Variants in ALK observed in about 807,000 individuals in gnomAD.
ALK encodes ALK tyrosine kinase receptor.
ALK carries 74 observed loss-of-function variants against 163.1 expected under a neutral mutation model. The observed-to-expected ratio is 0.45, with a 90% CI of 0.38 to 0.55. ALK has a LOEUF of 0.55. Ranked by LOEUF, ALK falls within the 20% of genes least tolerant of loss-of-function variation. ALK has a pLI of 0.00. For synonymous variants in ALK, 960 were observed against 843.2 expected (o/e 1.14, Z -2.40); for missense variants, 2,063 against 2,105.3 (o/e 0.98, Z 0.39).
intron 1 of ALK, among the ~76,000 whole-genome samples, chr2:29,841,656 C>CAAGA (rs1665704277): frequency 1.3e-5 from 2 of 152,124 alleles, no homozygotes; most frequent in Admixed American, 1.3e-4. Flanking sequence ...TTACAATGAA[C>CAAGA]AAGAGCCTTA....
chr2:29,819,488 G>C (rs1664986588), intron 1 of ALK, among the ~76,000 whole-genome samples: 1 of 152,248 alleles, frequency 6.6e-6, no homozygotes, highest in South Asian at 2.1e-4. Flanking sequence ...TGTTCTCTGA[G>C]TGTTATTATT....
At chr2:29,221,247 A>T (rs1216611712) in intron 22 of ALK, 1 of 529,818 alleles carries the variant, frequency 1.9e-6, no homozygotes, top group Admixed American at 2.3e-5. Flanking sequence ...ACTGGGTGAG[A>T]CTTGCCAAGT....
At chr2:29,660,284 T>C (rs937903667) in intron 3 of ALK, among the ~76,000 whole-genome samples, 1 of 152,208 alleles carries the variant, frequency 6.6e-6, no homozygotes, top group African/African-American at 2.4e-5. Context: ...AGCTCTACTG[T>C]GGACTGACTG....
At chr2:29,499,444 C>G (rs906540122) in intron 4 of ALK, among the ~76,000 whole-genome samples, 1 of 152,160 alleles carries the variant, frequency 6.6e-6, no homozygotes, top group Non-Finnish European at 1.5e-5. Flanking sequence ...GATCCACCTG[C>G]CTTGGCCTCC....
chr2:29,887,266 T>G lies in ALK; in HGVS notation c.667+32727A>C, dbSNP rs2148422102. Among the ~76,000 whole-genome samples, 2 of 152,312 alleles carry G rather than the reference T, an allele frequency of 1.3e-5. 1 individual carries two copies. The highest frequency in any genetic ancestry group is 4.1e-4 in the South Asian group (2 of 4,824). ...GATAGCTGGTCTTGAGGGCACAGGG[T>G]GGCTTCATTCATATGCCTGACAATC... is the stretch of plus-strand genomic sequence containing the variant. On this transcript the variant is annotated intron_variant, in intron 1 of 28. Coordinates refer to ENST00000389048, the MANE Select transcript of ALK (RefSeq NM_004304.5).
intron 4 of ALK, among the ~76,000 whole-genome samples, chr2:29,475,021 G>T (rs1480361458): frequency 1.4e-5 from 2 of 146,900 alleles, no homozygotes; most frequent in Non-Finnish European, 3.0e-5. Context: ...AAACCGCCAG[G>T]CTCCTGTGTA....
chr2:29,701,804 C>A (rs1017429551), intron 2 of ALK, among the ~76,000 whole-genome samples: 1 of 152,166 alleles, frequency 6.6e-6, no homozygotes, highest in Non-Finnish European at 1.5e-5. Context: ...TATCTCCATT[C>A]AACAGATGAA....
chr2:29,200,383 A>G (rs1573088460), intron 26 of ALK, among the ~76,000 whole-genome samples: 1 of 152,308 alleles, frequency 6.6e-6, no homozygotes, highest in Non-Finnish European at 1.5e-5. Context: ...AGGGAGCAAG[A>G]AGTAGTATTG....
chr2:29,258,475 A>C (rs769302019), intron 11 of ALK, among the ~76,000 whole-genome samples: 3 of 152,208 alleles, frequency 2.0e-5, no homozygotes, highest in African/African-American at 7.2e-5. Context: ...CCAATCTACT[A>C]TTTGGGTTAC....
intron 9 of ALK, among the ~76,000 whole-genome samples, chr2:29,285,132 C>T (rs530504362): frequency 5.3e-4 from 81 of 152,350 alleles, no homozygotes; most frequent in African/African-American, 1.9e-3. Flanking sequence ...TCTTTCTTCA[C>T]GCTTTCTGAG....
chr2:29,763,590 C>T (rs1185854315), intron 1 of ALK, among the ~76,000 whole-genome samples: 1 of 152,122 alleles, frequency 6.6e-6, no homozygotes, highest in African/African-American at 2.4e-5. Flanking sequence ...CACTGGAGAC[C>T]CAGCTGCCTC....
At chr2:29,451,135 A>G (rs1383811036) in intron 4 of ALK, among the ~76,000 whole-genome samples, 2 of 152,146 alleles carry the variant, frequency 1.3e-5, no homozygotes, top group African/African-American at 4.8e-5. Flanking sequence ...TCTGAATGTT[A>G]TATTTCAAGC....
At chr2:29,298,735 C>G (rs751490165) in intron 8 of ALK, among the ~76,000 whole-genome samples, 9 of 151,756 alleles carry the variant, frequency 5.9e-5, no homozygotes, top group Non-Finnish European at 1.3e-4. Flanking sequence ...CCTTCAGTCC[C>G]CTTCTCTCTT....
At chr2:29,621,495 G>A (rs898463454) in intron 3 of ALK, among the ~76,000 whole-genome samples, 1 of 152,160 alleles carries the variant, frequency 6.6e-6, no homozygotes, top group Non-Finnish European at 1.5e-5. Context: ...CCAGGACACT[G>A]ATTTCACACT....
intron 4 of ALK, among the ~76,000 whole-genome samples, chr2:29,414,066 C>T (rs1346037677): frequency 6.6e-6 from 1 of 152,224 alleles, no homozygotes; most frequent in African/African-American, 2.4e-5. Context: ...CCAGCATCAT[C>T]ACATACACAT....
intron 1 of ALK, among the ~76,000 whole-genome samples, chr2:29,822,646 T>C (rs1394668296): frequency 1.3e-5 from 2 of 152,172 alleles, no homozygotes; most frequent in Non-Finnish European, 2.9e-5. Flanking sequence ...CACTTATAAA[T>C]TGACAAAAGG....
chr2:29,438,765 G>A (rs1670464874), intron 4 of ALK, among the ~76,000 whole-genome samples: 2 of 152,194 alleles, frequency 1.3e-5, no homozygotes, highest in Admixed American at 6.5e-5. Flanking sequence ...ACCTTAGACT[G>A]ACATTCTGGC....
intron 11 of ALK, among the ~76,000 whole-genome samples, chr2:29,252,550 T>G: frequency 6.6e-6 from 1 of 152,190 alleles, no homozygotes; most frequent in East Asian, 1.9e-4. Context: ...TGGGCAGGGT[T>G]GCTAATCTGA....
In ALK at chr2:29,275,248, C is replaced by A. The variant is rs187030891; in HGVS notation, c.1913-21G>T. On this transcript the variant is annotated intron_variant, in intron 10 of 28. Coordinates refer to ENST00000389048, the MANE Select transcript of ALK (RefSeq NM_004304.5). ...GCTAACTGCAATAGAGAAGACCCCA[C>A]GGGCTGAGTTAGGTGAGGGTTGATT... The A allele has an allele frequency of 1.7e-4, 277 of 1,613,900 alleles. No individual in the cohort carries two copies. In the African/African-American group the frequency reaches 3.5e-3, roughly 21 times the overall value.
Sources: gnomAD v4.1 joint callset for allele counts (sites outside exome capture counted in the v4.1 genomes callset) on GRCh38, gnomAD v4.1.1 for gene constraint, MANE v1.5 for transcripts, NCBI Gene and HGNC (gene_info 2026-07-23, HGNC 2026-07-21) for gene names.